FRMD5: variants seen among roughly 807,000 people sequenced by gnomAD.
FRMD5 encodes FERM domain-containing protein 5.
Under a neutral mutation model 69.0 loss-of-function variants are expected in FRMD5, and 20 were observed. The ratio of observed to expected loss-of-function variants is 0.29; its 90% CI spans 0.20 to 0.42. The LOEUF (loss-of-function observed/expected upper bound fraction) is 0.42, where lower values mean the gene tolerates loss of function less well. Ranked by LOEUF, FRMD5 falls within the 10% of genes least tolerant of loss-of-function variation. The pLI is 1.00. For missense variants in FRMD5, 595 were observed against 708.6 expected, an observed-to-expected ratio of 0.84 and a Z score of 1.82; for synonymous variants, 271 against 260.1, an observed-to-expected ratio of 1.04 and a Z score of -0.40.
intron 1 of FRMD5, among the ~76,000 whole-genome samples, chr15:44,030,730 T>C (rs1010901426): frequency 2.0e-5 from 3 of 152,048 alleles, no homozygotes; most frequent in South Asian, 2.1e-4. Flanking sequence ...AGGAGGAAGA[T>C]GGAAGTTTGG....
intron 1 of FRMD5, among the ~76,000 whole-genome samples, chr15:44,041,086 C>A (rs529290590): frequency 1.6e-5 from 2 of 127,994 alleles, no homozygotes; most frequent in South Asian, 5.4e-4. Flanking sequence ...TCAACAAAGA[C>A]CAAAAGTGAC....
chr15:44,065,901 C>A (rs1189703579), intron 1 of FRMD5, among the ~76,000 whole-genome samples: 1 of 152,148 alleles, frequency 6.6e-6, no homozygotes, highest in African/African-American at 2.4e-5. Flanking sequence ...ACAGATGATA[C>A]AGTTTGTCAG....
chr15:44,036,206 T>C (rs1891902942), intron 1 of FRMD5, among the ~76,000 whole-genome samples: 2 of 152,212 alleles, frequency 1.3e-5, no homozygotes, highest in African/African-American at 4.8e-5. Flanking sequence ...ACCCTTAAGC[T>C]AGTGTCAGAG....
chr15:43,905,774 T>G (rs2089156208), intron 6 of FRMD5, 54 bp downstream of exon 6: 1 of 1,601,526 alleles, frequency 6.2e-7, no homozygotes, highest in South Asian at 1.1e-5. Flanking sequence ...GGAGCCTGCG[T>G]GCTCAGGCTG....
chr15:44,058,842 G>T (rs1280479721), intron 1 of FRMD5, among the ~76,000 whole-genome samples: 3 of 151,654 alleles, frequency 2.0e-5, no homozygotes, highest in African/African-American at 7.3e-5. Flanking sequence ...TGTGGGGAAT[G>T]AACTGGCTCA....
intron 6 of FRMD5, 131 bp downstream of exon 6, chr15:43,905,697 G>T: frequency 8.8e-7 from 1 of 1,130,050 alleles, no homozygotes; most frequent in Non-Finnish European, 1.3e-6. Flanking sequence ...GTACATCCGC[G>T]GTCAGGAAGG....
At chr15:43,944,514 C>T (rs902691303) in intron 1 of FRMD5, among the ~76,000 whole-genome samples, 2 of 151,518 alleles carry the variant, frequency 1.3e-5, no homozygotes, top group East Asian at 1.9e-4. Context: ...CTCCACCTCC[C>T]GAACTCCCGG....
intron 1 of FRMD5, among the ~76,000 whole-genome samples, chr15:44,174,296 C>G (rs939354561): frequency 6.6e-6 from 1 of 152,094 alleles, no homozygotes; most frequent in South Asian, 2.1e-4. Flanking sequence ...AAAACTTACT[C>G]TAACCATTAT....
intron 1 of FRMD5, among the ~76,000 whole-genome samples, chr15:43,955,801 C>A (rs984002707): frequency 1.3e-5 from 2 of 151,978 alleles, no homozygotes; most frequent in Non-Finnish European, 2.9e-5. Flanking sequence ...GTAAAAGGCA[C>A]CCACTTCAGA....
intron 1 of FRMD5, among the ~76,000 whole-genome samples, chr15:44,069,501 T>C (rs1032460016): frequency 1.3e-5 from 2 of 151,994 alleles, no homozygotes; most frequent in African/African-American, 4.8e-5. Flanking sequence ...AAAAAAACTG[T>C]TGATACACTC....
intron 1 of FRMD5, among the ~76,000 whole-genome samples, chr15:44,164,237 C>A (rs2077670522): frequency 6.6e-6 from 1 of 152,176 alleles, no homozygotes; most frequent in Admixed American, 6.5e-5. Flanking sequence ...ACCTGAAATT[C>A]CCCCTACTTG....
At chr15:44,169,087 G>A (rs912243460) in intron 1 of FRMD5, among the ~76,000 whole-genome samples, 4 of 152,118 alleles carry the variant, frequency 2.6e-5, no homozygotes, top group Admixed American at 2.0e-4. Flanking sequence ...GTAGAAGCTG[G>A]TAAATATAAA....
intron 1 of FRMD5, among the ~76,000 whole-genome samples, chr15:44,056,840 T>G (rs1264560045): frequency 6.6e-6 from 1 of 152,080 alleles, no homozygotes; most frequent in East Asian, 1.9e-4. Flanking sequence ...TCCACACCAT[T>G]GTCTCATCAT....
intron 1 of FRMD5, among the ~76,000 whole-genome samples, chr15:44,121,364 G>A (rs942694873): frequency 6.6e-6 from 1 of 152,014 alleles, no homozygotes; most frequent in African/African-American, 2.4e-5. Flanking sequence ...AAGGAGATTG[G>A]CTATGGAAGA....
At chr15:43,920,749 T>TGTTCAATAGGTA in intron 2 of FRMD5, among the ~76,000 whole-genome samples, 1 of 152,206 alleles carries the variant, frequency 6.6e-6, no homozygotes, top group East Asian at 1.9e-4. Flanking sequence ...GTATCACCAG[T>TGTTCAATAGGTA]GCCTAGCACA....
At chr15:44,098,114 AC>A (rs2076580205) in intron 1 of FRMD5, among the ~76,000 whole-genome samples, 1 of 112,832 alleles carries the variant, frequency 8.9e-6, no homozygotes, top group African/African-American at 3.1e-5. Flanking sequence ...GAGTGACAAA[AC>A]AAAAAAAAAA....
intron 1 of FRMD5, among the ~76,000 whole-genome samples, chr15:44,160,594 C>T (rs1213675671): frequency 6.6e-6 from 1 of 152,184 alleles, no homozygotes; most frequent in African/African-American, 2.4e-5. Flanking sequence ...GAGCATCTTC[C>T]TGTATTATAA....
At chr15:44,028,129 A>T (rs1163066286) in intron 1 of FRMD5, among the ~76,000 whole-genome samples, 1 of 152,216 alleles carries the variant, frequency 6.6e-6, no homozygotes, top group Non-Finnish European at 1.5e-5. Flanking sequence ...AGAAAAATAT[A>T]ATCTATGACA....
At chr15:44,002,845 G>A (rs1418903767) in intron 1 of FRMD5, among the ~76,000 whole-genome samples, 2 of 152,126 alleles carry the variant, frequency 1.3e-5, no homozygotes. Context: ...CTGGGCATAA[G>A]ACAATATGAG....
Sources: allele counts gnomAD v4.1 joint callset (sites outside exome capture counted in the v4.1 genomes callset), GRCh38; gene constraint gnomAD v4.1.1; transcripts MANE v1.5; gene names NCBI Gene and HGNC (gene_info 2026-07-23, HGNC 2026-07-21).